Variants in ASCC1 observed in about 807,000 individuals in gnomAD.
The protein encoded by ASCC1 is ASC-1 complex subunit P50.
Under a neutral mutation model 46.6 loss-of-function variants are expected in ASCC1, and 35 were observed. The ratio of observed to expected loss-of-function variants is 0.75; its 90% CI spans 0.57 to 0.99. ASCC1 has a LOEUF of 0.99. ASCC1 is among the 50% of genes least tolerant of loss of function. The probability of loss-of-function intolerance (pLI) is 0.00; values close to 1 mark genes in which losing one functional copy is unlikely to be tolerated. For synonymous variants in ASCC1, 143 were observed against 146.6 expected, an observed-to-expected ratio of 0.98 and a Z score of 0.18; for missense variants, 376 against 428.7, an observed-to-expected ratio of 0.88 and a Z score of 1.09.
chr10:72,195,319 T>C (rs1159258225), intron 5 of ASCC1, among the ~76,000 whole-genome samples: 1 of 151,698 alleles, frequency 6.6e-6, no homozygotes, highest in Admixed American at 6.6e-5. Context: ...ATAATTTTTG[T>C]ATTTTTTGTA....
intron 9 of ASCC1, among the ~76,000 whole-genome samples, chr10:72,098,192 T>C (rs1025681501): frequency 1.3e-5 from 2 of 152,254 alleles, no homozygotes; most frequent in Non-Finnish European, 2.9e-5. Context: ...GACTGGACTT[T>C]GTGATTACCA....
intron 9 of ASCC1, among the ~76,000 whole-genome samples, chr10:72,101,883 G>C (rs1025836286): frequency 1.3e-5 from 2 of 152,076 alleles, no homozygotes; most frequent in Admixed American, 1.3e-4. Context: ...GTGAATGAAT[G>C]AATGAAGCCA....
chr10:72,149,588 T>C (rs1031866534), intron 7 of ASCC1, among the ~76,000 whole-genome samples: 4 of 152,148 alleles, frequency 2.6e-5, no homozygotes, highest in African/African-American at 9.7e-5. Context: ...TCAATAATTT[T>C]TAAGAATTAT....
rs759199757 is a variant in ASCC1 at position 72,204,421 on chromosome 10, C to T, written c.213-897G>A. The T allele has an allele frequency of 2.6e-6, 4 of 1,550,232 alleles. No homozygotes were observed. The highest frequency in any genetic ancestry group is 3.9e-5 in the Admixed American group (2 of 50,954). On this transcript the variant is annotated intron_variant, in intron 3 of 9. Coordinates refer to ENST00000672957, the MANE Select transcript of ASCC1 (RefSeq NM_001198800.3). The stretch of plus-strand genomic sequence containing the variant: ...CTTATTGACTCATTTACATTACTTG[C>T]CTGGACTTCCAAGTATAAATATTCT...
At position 72,096,695 on chromosome 10, in the gene ASCC1, A is replaced by C; in HGVS notation, c.*639T>G. 2.2e-6 allele frequency: 1 copy of C among 454,182 alleles called. No homozygotes were observed. Among genetic ancestry groups the C allele is most frequent in the Non-Finnish European group, 4.4e-6 (1 of 226,806 alleles). 28.1% of individuals were successfully genotyped at this position (454,182 alleles called of 1,614,324 possible). Reference sequence around the variant, plus strand: ...CACTGATGGAGGAACAGAGTGTGGTACGCACATGTAACGGAACATTCCATT... The same window carrying C: ...CACTGATGGAGGAACAGAGTGTGGTCCGCACATGTAACGGAACATTCCATT... On this transcript the variant is annotated 3_prime_UTR_variant, in exon 10 of 10. Transcript: ENST00000672957.
intron 7 of ASCC1, among the ~76,000 whole-genome samples, chr10:72,140,384 G>A (rs113058274): frequency 2.6e-5 from 4 of 152,288 alleles, no homozygotes; most frequent in African/African-American, 7.2e-5. Flanking sequence ...TTAAGATGAT[G>A]TCATACTGGA....
intron 9 of ASCC1, among the ~76,000 whole-genome samples, chr10:72,115,499 GGGAATAGACATATTAT>G (rs1193657077): frequency 6.6e-6 from 1 of 152,204 alleles, no homozygotes. Context: ...CAAAACCTTA[GGGAATAGACATATTAT>G]GGAGTGAATT....
chr10:72,097,165 G>A lies in ASCC1; in HGVS notation c.*169C>T. On this transcript the variant is annotated 3_prime_UTR_variant, in exon 10 of 10. Coordinates refer to ENST00000672957, the MANE Select transcript of ASCC1 (RefSeq NM_001198800.3). The stretch of plus-strand genomic sequence containing the variant: ...CTTATGCCCACCACCATCTCAGCTG[G>A]TAGTATGACGGGTGTAGACACCATT... 1.4e-6 allele frequency: 1 copy of A among 713,474 alleles called. No individual in the cohort carries two copies. The highest frequency in any genetic ancestry group is 2.6e-6 in the Non-Finnish European group (1 of 382,138). The allele number at this position is 713,474 out of a possible 1,614,324, so 44.2% of individuals were successfully genotyped here.
At chr10:72,152,759 CAT>C (rs1333302202) in intron 7 of ASCC1, 108 bp downstream of exon 7, 1 of 1,268,524 alleles carries the variant, frequency 7.9e-7, no homozygotes. Context: ...AAATAATTAA[CAT>C]GTTCTTTACA....
intron 9 of ASCC1, among the ~76,000 whole-genome samples, chr10:72,097,792 G>C (rs1472281249): frequency 6.6e-6 from 1 of 152,260 alleles, no homozygotes; most frequent in African/African-American, 2.4e-5. Context: ...GACTCACAGA[G>C]TCTGACCAGG....
At chr10:72,133,034 C>T (rs1379387077) in intron 8 of ASCC1, 23 bp downstream of exon 8, 3 of 1,613,948 alleles carry the variant, frequency 1.9e-6, no homozygotes, top group Admixed American at 3.3e-5. Flanking sequence ...ACAAACTGTG[C>T]TATAGTTCTC....
intron 9 of ASCC1, among the ~76,000 whole-genome samples, chr10:72,110,980 G>C (rs1222836309): frequency 6.6e-6 from 1 of 152,182 alleles, no homozygotes; most frequent in Non-Finnish European, 1.5e-5. Context: ...ATGAAATACT[G>C]CATCCTCTGT....
intron 3 of ASCC1, among the ~76,000 whole-genome samples, chr10:72,208,894 T>C (rs914199222): frequency 1.3e-5 from 2 of 152,080 alleles, no homozygotes; most frequent in Non-Finnish European, 2.9e-5. Flanking sequence ...TCAAAAGATA[T>C]TTAACACACT....
chr10:72,182,577 A>T (rs1450039350), intron 5 of ASCC1, among the ~76,000 whole-genome samples: 1 of 152,206 alleles, frequency 6.6e-6, no homozygotes, highest in Admixed American at 6.5e-5. Context: ...ATAAATATAT[A>T]TAAGGAAAAA....
chr10:72,138,128 G>A (rs1443476851), intron 7 of ASCC1, among the ~76,000 whole-genome samples: 3 of 152,148 alleles, frequency 2.0e-5, no homozygotes, highest in Non-Finnish European at 4.4e-5. Flanking sequence ...GCCTCCCAAA[G>A]TGTTGGGATT....
intron 3 of ASCC1, 134 bp from the exon 4 acceptor site, chr10:72,203,658 G>C (rs1337606277): frequency 1.4e-6 from 1 of 726,662 alleles, no homozygotes; most frequent in East Asian, 2.5e-5. Context: ...AATATTTGCG[G>C]AAGAAATTAC....
At chr10:72,113,060 C>T (rs1431428831) in intron 9 of ASCC1, among the ~76,000 whole-genome samples, 1 of 152,078 alleles carries the variant, frequency 6.6e-6, no homozygotes, top group Non-Finnish European at 1.5e-5. Context: ...AATGACATCA[C>T]AGGAACCAAA....
intron 5 of ASCC1, among the ~76,000 whole-genome samples, chr10:72,193,681 TTAATTA>T (rs911172617): frequency 6.6e-6 from 1 of 152,176 alleles, no homozygotes; most frequent in African/African-American, 2.4e-5. Context: ...AAAGTCCATT[TTAATTA>T]TAATAATGTT....
intron 9 of ASCC1, among the ~76,000 whole-genome samples, chr10:72,118,813 T>C (rs1035156856): frequency 1.3e-5 from 2 of 151,818 alleles, no homozygotes; most frequent in Non-Finnish European, 2.9e-5. Flanking sequence ...AAGAAAGAAA[T>C]AATATACTTT....
Sources: allele counts gnomAD v4.1 joint callset (sites outside exome capture counted in the v4.1 genomes callset), GRCh38; gene constraint gnomAD v4.1.1; transcripts MANE v1.5; gene names NCBI Gene and HGNC (gene_info 2026-07-23, HGNC 2026-07-21).